LRMDA: variants seen among roughly 807,000 people sequenced by gnomAD.
LRMDA encodes the protein leucine rich melanocyte differentiation associated.
A neutral mutation model predicts 29.8 loss-of-function variants in LRMDA; 18 were observed. The observed-to-expected ratio is 0.60, with a 90% CI of 0.42 to 0.90. LRMDA has a LOEUF of 0.90. Among genes scored for constraint, LRMDA ranks in the 40% least tolerant of loss-of-function variants. LRMDA has a pLI of 0.00. For synonymous variants in LRMDA, 125 were observed against 109.4 expected (o/e 1.14, Z -0.89); for missense variants, 273 against 273.9 (o/e 1.00, Z 0.02).
At chr10:75,950,057 G>A (rs1274550396) in intron 2 of LRMDA, among the ~76,000 whole-genome samples, 2 of 152,212 alleles carry the variant, frequency 1.3e-5, no homozygotes, top group African/African-American at 4.8e-5. Flanking sequence ...AAGAGTCCTT[G>A]CCAAGACGGC....
chr10:76,099,297 A>G (rs2132100400), intron 5 of LRMDA, among the ~76,000 whole-genome samples: 1 of 152,368 alleles, frequency 6.6e-6, no homozygotes, highest in Middle Eastern at 3.4e-3. Flanking sequence ...GAACAAGGAC[A>G]GCCTGGAGGT....
At chr10:76,101,081 T>C (rs1300890725) in intron 5 of LRMDA, among the ~76,000 whole-genome samples, 1 of 152,198 alleles carries the variant, frequency 6.6e-6, no homozygotes, top group Non-Finnish European at 1.5e-5. Flanking sequence ...TTACAAATTA[T>C]CCAGCTCTTT....
chr10:76,243,810 G>GC (rs1202084463), intron 5 of LRMDA, among the ~76,000 whole-genome samples: 2 of 152,064 alleles, frequency 1.3e-5, no homozygotes, highest in Admixed American at 6.6e-5. Flanking sequence ...TTGAGTGGTA[G>GC]CCCCCCCAAA....
intron 2 of LRMDA, among the ~76,000 whole-genome samples, chr10:75,861,871 G>A (rs1844936311): frequency 6.6e-6 from 1 of 152,200 alleles, no homozygotes; most frequent in African/African-American, 2.4e-5. Context: ...GCACATTGGA[G>A]CTGGTCTTCT....
chr10:76,195,248 T>C (rs572378089), intron 5 of LRMDA, among the ~76,000 whole-genome samples: 1 of 152,288 alleles, frequency 6.6e-6, no homozygotes, highest in South Asian at 2.1e-4. Context: ...CAACTTCCGG[T>C]TCTGGTGGGC....
intron 2 of LRMDA, among the ~76,000 whole-genome samples, chr10:75,806,129 T>C (rs1209680535): frequency 1.3e-5 from 2 of 152,162 alleles, no homozygotes; most frequent in Non-Finnish European, 2.9e-5. Flanking sequence ...TTAAACCACC[T>C]GATCTCATGA....
chr10:75,585,572 A>G (rs140641808), intron 2 of LRMDA, among the ~76,000 whole-genome samples: 2 of 152,204 alleles, frequency 1.3e-5, no homozygotes, highest in East Asian at 3.9e-4. Context: ...CAGTTTTCCA[A>G]AGTAGTTCTG....
At chr10:76,138,702 G>C (rs972225885) in intron 5 of LRMDA, among the ~76,000 whole-genome samples, 14 of 152,164 alleles carry the variant, frequency 9.2e-5, no homozygotes, top group Non-Finnish European at 1.6e-4. Flanking sequence ...AGTTGGTAGA[G>C]CCCAAATACC....
In LRMDA at chr10:76,277,915, T is replaced by C. The variant is rs1415463420; in HGVS notation, c.517-46486T>C. 2.0e-5 allele frequency among the ~76,000 whole-genome samples: 3 copies of C among 152,198 alleles called. No homozygotes were observed. The South Asian group carries it at 6.2e-4, about 31-fold the overall frequency. On this transcript the variant is annotated intron_variant, in intron 5 of 6. Coordinates refer to ENST00000611255, the MANE Select transcript of LRMDA (RefSeq NM_001305581.2). Reference sequence around the variant, plus strand: ...TTCATTAGGGTTTACTTTTGGGCTTTGGATGATTTCTCTAATTCACTGGGT... The same window carrying C: ...TTCATTAGGGTTTACTTTTGGGCTTCGGATGATTTCTCTAATTCACTGGGT...
chr10:75,941,575 C>A (rs1206768337), intron 2 of LRMDA, among the ~76,000 whole-genome samples: 1 of 152,092 alleles, frequency 6.6e-6, no homozygotes, highest in African/African-American at 2.4e-5. Context: ...CCATCCTGAT[C>A]CCCTTCCTGC....
chr10:76,488,738 T>G (rs1842805950), intron 6 of LRMDA, among the ~76,000 whole-genome samples: 1 of 151,890 alleles, frequency 6.6e-6, no homozygotes, highest in Non-Finnish European at 1.5e-5. Flanking sequence ...TGTCTAAGAG[T>G]TGCAGTTGCT....
chr10:75,573,953 C>A (rs535002885), intron 2 of LRMDA, among the ~76,000 whole-genome samples: 2 of 151,688 alleles, frequency 1.3e-5, no homozygotes, highest in South Asian at 2.1e-4. Flanking sequence ...ACTAATAGAA[C>A]AGGCTTGGGG....
At chr10:75,755,053 T>C (rs7896412) in intron 2 of LRMDA, among the ~76,000 whole-genome samples, 6,359 of 151,894 alleles carry the variant, frequency 0.042, 348 homozygotes, top group African/African-American at 0.13. Flanking sequence ...TTTTTTTTTT[T>C]GTTTGTTTTG....
chr10:76,010,065 C>G (rs1055213180), intron 2 of LRMDA, among the ~76,000 whole-genome samples: 3 of 152,152 alleles, frequency 2.0e-5, no homozygotes, highest in Non-Finnish European at 2.9e-5. Context: ...GTTCCCTCCC[C>G]CTGAAGGTGG....
At chr10:76,086,672 C>A (rs530796442) in intron 5 of LRMDA, among the ~76,000 whole-genome samples, 1 of 152,190 alleles carries the variant, frequency 6.6e-6, no homozygotes, top group South Asian at 2.1e-4. Flanking sequence ...GTTTTACTCT[C>A]GTGGAGGGGC....
At chr10:76,018,350 T>C (rs1416545912) in intron 2 of LRMDA, among the ~76,000 whole-genome samples, 1 of 152,170 alleles carries the variant, frequency 6.6e-6, no homozygotes, top group Non-Finnish European at 1.5e-5. Context: ...TGTCTTCAGA[T>C]GTTGCCAGAA....
intron 2 of LRMDA, among the ~76,000 whole-genome samples, chr10:75,961,787 T>C (rs1846771337): frequency 6.6e-6 from 1 of 152,208 alleles, no homozygotes; most frequent in Non-Finnish European, 1.5e-5. Flanking sequence ...TTGGATAGCT[T>C]GAACAACAGA....
intron 3 of LRMDA, among the ~76,000 whole-genome samples, chr10:76,036,389 G>A (rs1201811783): frequency 6.6e-6 from 1 of 152,172 alleles, no homozygotes; most frequent in Admixed American, 6.5e-5. Flanking sequence ...TTTTAGTGTA[G>A]AGATCTAAGT....
At chr10:75,829,705 C>G (rs1237248884) in intron 2 of LRMDA, among the ~76,000 whole-genome samples, 1 of 152,022 alleles carries the variant, frequency 6.6e-6, no homozygotes, top group Non-Finnish European at 1.5e-5. Flanking sequence ...TATACTTCCC[C>G]TGGCTTGTAT....
Sources: gnomAD v4.1 joint callset for allele counts (sites outside exome capture counted in the v4.1 genomes callset) on GRCh38, gnomAD v4.1.1 for gene constraint, MANE v1.5 for transcripts, NCBI Gene and HGNC (gene_info 2026-07-23, HGNC 2026-07-21) for gene names.